NDUFB6: variants seen among roughly 807,000 people sequenced by gnomAD.
NDUFB6 encodes the protein NADH dehydrogenase [ubiquinone] 1 beta subcomplex subunit 6.
A neutral mutation model predicts 17.5 loss-of-function variants in NDUFB6; 23 were observed. The observed-to-expected ratio is 1.31, with a 90% confidence interval of 0.94 to 1.86. The LOEUF is 1.86. NDUFB6 is among the 40% of genes most tolerant of loss of function. NDUFB6 has a pLI of 0.00. For synonymous variants in NDUFB6, 60 were observed against 53.5 expected (o/e 1.12, Z -0.53); for missense variants, 167 against 153.8 (o/e 1.09, Z -0.46).
Position 32,571,029 on chromosome 9 carries a change from A to G in NDUFB6, c.204T>C (p.Ser68=). 1 of 1,604,478 alleles carries G rather than the reference A, an allele frequency of 6.2e-7. No homozygotes were observed. Among genetic ancestry groups the G allele is most frequent in the Non-Finnish European group, 8.5e-7 (1 of 1,174,362 alleles). ...RKMVHGVYKK[S]IFVFTHVLVP... ...CAAGTACATGAGTGAAAACAAAGAT[A>G]CTCTTTTTGTATACCCCATGGACCT... is the stretch of plus-strand genomic sequence containing the variant. The change falls in exon 2 of 4, where the codon AGT becomes AGC. Residue 68 remains serine, a synonymous_variant. Transcript: ENST00000379847.
intron 2 of NDUFB6, chr9:32,566,596 C>T: frequency 1.3e-6 from 1 of 785,264 alleles, no homozygotes; most frequent in Non-Finnish European, 2.4e-6. Context: ...GAGCGGAGGA[C>T]CCGCAGGAAT....
intron 3 of NDUFB6, among the ~76,000 whole-genome samples, chr9:32,558,502 T>C (rs1217620855): frequency 4.6e-5 from 7 of 152,188 alleles, no homozygotes; most frequent in Admixed American, 3.9e-4. Flanking sequence ...TACAAAGCCA[T>C]AGGACATGAG....
intron 3 of NDUFB6, among the ~76,000 whole-genome samples, chr9:32,554,821 G>A (rs901623114): frequency 1.9e-4 from 29 of 152,164 alleles, no homozygotes; most frequent in African/African-American, 7.0e-4. Context: ...TGGTAGCAAA[G>A]ATAAAGATGG....
chr9:32,555,763 T>C (rs1276201475), intron 3 of NDUFB6, among the ~76,000 whole-genome samples: 2 of 152,212 alleles, frequency 1.3e-5, no homozygotes, highest in African/African-American at 4.8e-5. Flanking sequence ...ACCATTTAGA[T>C]GTGGTCTAGG....
intron 3 of NDUFB6, among the ~76,000 whole-genome samples, chr9:32,556,088 GC>G (rs1226936934): frequency 4.1e-5 from 4 of 98,714 alleles, no homozygotes; most frequent in Non-Finnish European, 9.3e-5. Flanking sequence ...TGGATTTGGG[GC>G]CGGGGTGCAA....
intron 1 of NDUFB6, 99 bp downstream of exon 1, chr9:32,572,780 TTA>T (rs1440456859): frequency 1.8e-6 from 2 of 1,105,838 alleles, no homozygotes; most frequent in African/African-American, 3.2e-5. Flanking sequence ...GCACTGAGCG[TTA>T]TCAGTCCTTG....
chr9:32,572,103 T>C (rs146961080), intron 1 of NDUFB6, among the ~76,000 whole-genome samples: 5 of 152,198 alleles, frequency 3.3e-5, no homozygotes, highest in East Asian at 1.9e-4. Context: ...AAGTAACACA[T>C]GTAAAACCCC....
chr9:32,556,845 A>T lies in NDUFB6; in HGVS notation c.318+2065T>A, dbSNP rs1481108883. Reference sequence around the variant, plus strand: ...AATAAAACAAAAGGAGAAATCCCCTACTTTTTTTTTTTTTTTTTTTTTTTT... The same window carrying T: ...AATAAAACAAAAGGAGAAATCCCCTTCTTTTTTTTTTTTTTTTTTTTTTTT... On this transcript the variant is annotated intron_variant, in intron 3 of 3. Transcript: ENST00000379847. Among the ~76,000 whole-genome samples, 48 of 94,712 alleles carry T rather than the reference A, an allele frequency of 5.1e-4. 1 individual carries two copies. The highest frequency in any genetic ancestry group is 9.2e-4 in the Admixed American group (8 of 8,704). 62.1% of individuals were successfully genotyped at this position (94,712 alleles called of 152,430 possible). A position where few individuals can be genotyped will look rare whatever the true frequency, so the allele number is the denominator to read the frequency against.
intron 3 of NDUFB6, among the ~76,000 whole-genome samples, chr9:32,555,316 AG>A (rs1174026668): frequency 6.6e-6 from 1 of 152,228 alleles, no homozygotes; most frequent in Non-Finnish European, 1.5e-5. Context: ...CTAAACAATA[AG>A]TTAACACAAG....
chr9:32,553,957 A>C lies in NDUFB6; in HGVS notation c.319-13T>G. 6.5e-7 allele frequency: 1 copy of C among 1,529,036 alleles called. No individual in the cohort carries two copies. The highest frequency in any genetic ancestry group is 9.0e-7 in the Non-Finnish European group (1 of 1,108,404). The allele number at this position is 1,529,036 out of a possible 1,614,324, so 94.7% of individuals were successfully genotyped here. A position where few individuals can be genotyped will look rare whatever the true frequency, so the allele number is the denominator to read the frequency against. On this transcript the variant is annotated splice_polypyrimidine_tract_variant and intron_variant, in intron 3 of 3. Transcript: ENST00000379847. ...GAATTGTATCACCCTAGGAAAACAA[A>C]GATACAGTTAGTACAAAAATCTTAA...
At chr9:32,558,117 A>ATTTTTTGTTT (rs550573516) in intron 3 of NDUFB6, among the ~76,000 whole-genome samples, 1 of 135,230 alleles carries the variant, frequency 7.4e-6, no homozygotes, top group Non-Finnish European at 1.6e-5. Context: ...CATAGTATAC[A>ATTTTTTGTTT]TTTTTTTTTT....
chr9:32,554,584 T>C (rs1821403832), intron 3 of NDUFB6, among the ~76,000 whole-genome samples: 1 of 152,210 alleles, frequency 6.6e-6, no homozygotes, highest in Non-Finnish European at 1.5e-5. Context: ...CCTGAATGAC[T>C]GGGAAGAGTA....
At chr9:32,566,333 A>G (rs1053015350) in intron 2 of NDUFB6, 4 of 1,172,462 alleles carry the variant, frequency 3.4e-6, no homozygotes, top group Non-Finnish European at 3.9e-6. Context: ...CTTGTTCTTT[A>G]ACTGCTTCCA....
At chr9:32,553,989 A>G (rs768417322) in intron 3 of NDUFB6, 45 bp from the exon 4 acceptor site, 1 of 1,225,744 alleles carries the variant, frequency 8.2e-7, no homozygotes, top group South Asian at 1.2e-5. Flanking sequence ...TTAAGTCTAC[A>G]GAGGTGATAG....
At position 32,553,477 on chromosome 9, in the gene NDUFB6, C is replaced by T; in HGVS notation, c.*399G>A. On this transcript the variant is annotated 3_prime_UTR_variant, in exon 4 of 4. Transcript: ENST00000379847. ...GTGCTGGGATTACAGGCATGAGCCACTGCGCCTGGCCGGAAAGATTTCCTT... is the reference window on the plus strand; with the variant it reads ...GTGCTGGGATTACAGGCATGAGCCATTGCGCCTGGCCGGAAAGATTTCCTT... 5.0e-6 allele frequency: 1 copy of T among 198,056 alleles called. No individual in the cohort carries two copies. The highest frequency in any genetic ancestry group is 5.9e-5 in the Admixed American group (1 of 17,056). 12.3% of individuals were successfully genotyped at this position (198,056 alleles called of 1,614,324 possible). A position where few individuals can be genotyped will look rare whatever the true frequency, so the allele number is the denominator to read the frequency against.
chr9:32,558,936 CT>C lies in NDUFB6; in HGVS notation c.291del (p.Ile97MetfsTer20). On this transcript the variant is annotated frameshift_variant, in exon 3 of 4. Coordinates refer to ENST00000379847, the MANE Select transcript of NDUFB6 (RefSeq NM_002493.5). LOFTEE classifies it high-confidence loss of function. ...GGGAATATTCTGGACTTCTTTTCAA[CT>C]ATGCCATATGGTTTTTCCTGTAATA... ...KYHVSEKPYG[I>X]VEKKSRIFPG... The C allele has an allele frequency of 6.3e-7, 1 of 1,584,756 alleles. No homozygotes were observed. Among genetic ancestry groups the C allele is most frequent in the East Asian group, 2.2e-5 (1 of 44,600 alleles).
intron 2 of NDUFB6, among the ~76,000 whole-genome samples, chr9:32,563,734 TTTC>T (rs1456588362): frequency 6.6e-6 from 1 of 152,206 alleles, no homozygotes; most frequent in Non-Finnish European, 1.5e-5. Context: ...ATCAAAAAGC[TTTC>T]TTTTCTACCC....
At chr9:32,558,984 A>G in intron 2 of NDUFB6, 30 bp from the exon 3 acceptor site, 2 of 1,512,794 alleles carry the variant, frequency 1.3e-6, no homozygotes, top group Non-Finnish European at 9.1e-7. Context: ...TGTGTTAATT[A>G]TGGTGTTAAG....
At chr9:32,567,052 G>C in intron 2 of NDUFB6, 1 of 495,414 alleles carries the variant, frequency 2.0e-6, no homozygotes, top group East Asian at 6.0e-5. Context: ...TCTCCCGGCA[G>C]CTCCTGCCCG....
Sources: gnomAD v4.1 joint callset for allele counts (sites outside exome capture counted in the v4.1 genomes callset) on GRCh38, gnomAD v4.1.1 for gene constraint, MANE v1.5 for transcripts, NCBI Gene and HGNC (gene_info 2026-07-23, HGNC 2026-07-21) for gene names.